KLC1: variants seen among roughly 807,000 people sequenced by gnomAD.
KLC1 encodes the protein kinesin 2 60/70kDa.
Under a neutral mutation model 84.2 loss-of-function variants are expected in KLC1, and 30 were observed. The ratio of observed to expected loss-of-function variants is 0.36; its 90% CI spans 0.27 to 0.48. KLC1 has a LOEUF of 0.48. Ranked by LOEUF, KLC1 falls within the 20% of genes least tolerant of loss-of-function variation. The pLI, the probability that KLC1 is intolerant of heterozygous loss-of-function variation, is 0.99. For synonymous variants in KLC1, 289 were observed against 293.3 expected (o/e 0.99, Z 0.15); for missense variants, 499 against 805.4 (o/e 0.62, Z 4.60).
At chr14:103,651,744 A>ACTCC (rs940108233) in intron 1 of KLC1, among the ~76,000 whole-genome samples, 269 of 152,180 alleles carry the variant, frequency 1.8e-3, no homozygotes, top group Middle Eastern at 6.8e-3. Context: ...GTGCCGTCAC[A>ACTCC]CCTCTGCCTC....
At chr14:103,652,653 G>T (rs942135456) in intron 1 of KLC1, among the ~76,000 whole-genome samples, 2 of 152,036 alleles carry the variant, frequency 1.3e-5, no homozygotes, top group African/African-American at 4.8e-5. Context: ...CATCAGGCTC[G>T]GCTGATTTTT....
chr14:103,667,460 C>T (rs985133540), intron 5 of KLC1, among the ~76,000 whole-genome samples: 4 of 152,070 alleles, frequency 2.6e-5, no homozygotes, highest in East Asian at 1.9e-4. Context: ...CTCAGCCTCC[C>T]GAGTAGCTGG....
chr14:103,697,947 C>T (rs1282937482), intron 15 of KLC1: 1 of 152,580 alleles, frequency 6.6e-6, no homozygotes, highest in Non-Finnish European at 1.5e-5. Context: ...CCAGCCAGGC[C>T]AGGGCTGAGC....
intron 3 of KLC1, among the ~76,000 whole-genome samples, chr14:103,658,595 T>C (rs2079017568): frequency 6.6e-6 from 1 of 151,774 alleles, no homozygotes; most frequent in Non-Finnish European, 1.5e-5. Flanking sequence ...GTTGGCTCTA[T>C]TTGGATGTTT....
chr14:103,667,203 C>T (rs1395516584), intron 5 of KLC1, among the ~76,000 whole-genome samples: 1 of 152,180 alleles, frequency 6.6e-6, no homozygotes, highest in Non-Finnish European at 1.5e-5. Flanking sequence ...CCTCTGCCTC[C>T]TGGGTTCAAG....
chr14:103,654,906 AAAG>A, intron 2 of KLC1, 81 bp downstream of exon 2: 1 of 1,415,612 alleles, frequency 7.1e-7, no homozygotes, highest in Non-Finnish European at 9.6e-7. Flanking sequence ...CAGTTTCACT[AAAG>A]AAGAGGAAAG....
At chr14:103,682,731 T>G (rs1201625598) in intron 13 of KLC1, 1 of 149,924 alleles carries the variant, frequency 6.7e-6, no homozygotes, top group Non-Finnish European at 1.5e-5. Flanking sequence ...ATCTGTATAA[T>G]GAGAAAATGT....
intron 12 of KLC1, among the ~76,000 whole-genome samples, chr14:103,678,264 A>G (rs1416918490): frequency 6.6e-6 from 1 of 152,146 alleles, no homozygotes; most frequent in African/African-American, 2.4e-5. Context: ...CTCCGTCTCA[A>G]AAATTAAAAT....
At chr14:103,672,886 G>A in intron 7 of KLC1, 128 bp from the exon 8 acceptor site, 1 of 791,140 alleles carries the variant, frequency 1.3e-6, no homozygotes, top group African/African-American at 1.8e-5. Context: ...AGCCAGTTAA[G>A]GATTTAAATC....
At position 103,654,821 on chromosome 14, in the gene KLC1, C is replaced by T; in HGVS notation, c.257C>T (p.Ala86Val). 6.2e-7 allele frequency: 1 copy of T among 1,613,732 alleles called. No homozygotes were observed. The highest frequency in any genetic ancestry group is 8.5e-7 in the Non-Finnish European group (1 of 1,179,784). ...ATGTTGGAGCTCGGCCTGAGTGAGG[C>T]ACAGGTACGAGTGAGAATGACTCAG... ...LEMLELGLSE[A>V]QVMMALSNHL... The change falls in exon 2 of 17, where the codon GCA (alanine) becomes GTA (valine). Residue 86 changes from alanine to valine, a missense_variant. Coordinates refer to ENST00000334553, the MANE Select transcript of KLC1 (RefSeq NM_001394837.1).
At chr14:103,671,346 G>A (rs1480676546) in intron 7 of KLC1, among the ~76,000 whole-genome samples, 1 of 151,792 alleles carries the variant, frequency 6.6e-6, no homozygotes, top group Non-Finnish European at 1.5e-5. Context: ...CGGGTATTGG[G>A]TCTATCCGAT....
At chr14:103,682,139 G>A (rs2081393848) in intron 13 of KLC1, among the ~76,000 whole-genome samples, 1 of 152,098 alleles carries the variant, frequency 6.6e-6, no homozygotes, top group East Asian at 1.9e-4. Flanking sequence ...GTGAAGCTGA[G>A]GCGGGCAGAT....
At chr14:103,632,536 T>G (rs2076762643) in intron 1 of KLC1, among the ~76,000 whole-genome samples, 1 of 151,904 alleles carries the variant, frequency 6.6e-6, no homozygotes, top group Non-Finnish European at 1.5e-5. Flanking sequence ...GACAACATGG[T>G]GAAACCCTGT....
At chr14:103,662,607 C>A in intron 4 of KLC1, 95 bp from the exon 5 acceptor site, 1 of 1,070,800 alleles carries the variant, frequency 9.3e-7, no homozygotes, top group Non-Finnish European at 1.3e-6. Flanking sequence ...CAAGTACTAA[C>A]TTGAACCAAA....
chr14:103,654,573 C>T lies in KLC1; in HGVS notation c.9C>T (p.Asp3=). The T allele has an allele frequency of 1.2e-6, 2 of 1,603,710 alleles. No individual in the cohort carries two copies. Among genetic ancestry groups the T allele is most frequent in the Non-Finnish European group, 1.7e-6 (2 of 1,174,792 alleles). The change falls in exon 2 of 17, where the codon GAC becomes GAT. Residue 3 remains aspartate (D), a synonymous_variant. Transcript: ENST00000334553. MY[D]NMSTMVYIKE... Reference sequence around the variant, plus strand: ...TCTTTTTTCATTCCAGAATGTATGACAACATGTCCACAATGGTGTACATAA... The same window carrying T: ...TCTTTTTTCATTCCAGAATGTATGATAACATGTCCACAATGGTGTACATAA...
chr14:103,629,800 G>C (rs572407001), intron 1 of KLC1, among the ~76,000 whole-genome samples: 1 of 152,170 alleles, frequency 6.6e-6, no homozygotes, highest in South Asian at 2.1e-4. Context: ...CCCCGGCCCT[G>C]CCCAGGGCCC....
chr14:103,679,237 C>A, intron 12 of KLC1, 147 bp from the exon 13 acceptor site: 1 of 1,035,834 alleles, frequency 9.7e-7, no homozygotes, highest in Non-Finnish European at 1.4e-6. Context: ...CACCCTCACC[C>A]CCTCCAAGGA....
At position 103,701,304 on chromosome 14, in the gene KLC1, G is replaced by A; in HGVS notation, c.*105G>A. ...GGAGGGCCCCTGGCCGGGAGCCGCA[G>A]CGCTCACTCATTTCTCCTGCGTCTG... On this transcript the variant is annotated 3_prime_UTR_variant, in exon 17 of 17. Coordinates refer to ENST00000334553, the MANE Select transcript of KLC1 (RefSeq NM_001394837.1). 8.0e-7 allele frequency: 1 copy of A among 1,246,016 alleles called. No homozygotes were observed. Among genetic ancestry groups the A allele is most frequent in the South Asian group, 1.3e-5 (1 of 76,766 alleles). 77.2% of individuals were successfully genotyped at this position (1,246,016 alleles called of 1,614,324 possible).
intron 1 of KLC1, among the ~76,000 whole-genome samples, chr14:103,639,007 C>T (rs189881763): frequency 6.6e-6 from 1 of 152,200 alleles, no homozygotes; most frequent in East Asian, 1.9e-4. Flanking sequence ...GTAGAATAAG[C>T]TTAAATCACT....
Sources: allele counts gnomAD v4.1 joint callset (sites outside exome capture counted in the v4.1 genomes callset), GRCh38; gene constraint gnomAD v4.1.1; transcripts MANE v1.5; gene names NCBI Gene and HGNC (gene_info 2026-07-23, HGNC 2026-07-21).